The following TEKTIP1 variants were observed in gnomAD, a reference collection of about 807,000 sequenced individuals.
The protein encoded by TEKTIP1 is tektin bundle interacting protein 1.
the TEKTIP1 span, chr19:3,539,378 G>A: frequency 1.5e-5 from 10 of 656,552 alleles, no homozygotes; most frequent in African/African-American, 1.5e-4. Context: ...TTCCTAAAAG[G>A]CTCATGTGTG....
chr19:3,543,844 G>T, the TEKTIP1 span: 5 of 1,537,940 alleles, frequency 3.3e-6, no homozygotes. Context: ...AACAGGAACC[G>T]GTACGGGGTG....
the TEKTIP1 span, chr19:3,539,258 C>G: frequency 1.9e-6 from 3 of 1,544,506 alleles, no homozygotes; most frequent in Non-Finnish European, 2.6e-6. Context: ...CACCGCTGTA[C>G]AGGTGAGCCC....
At chr19:3,542,450 C>G in the TEKTIP1 span, 42 of 985,220 alleles carry the variant, frequency 4.3e-5, no homozygotes, top group Non-Finnish European at 4.9e-5. Context: ...AGAGCAAGGT[C>G]AAAGCATAAA....
At chr19:3,543,680 G>C in the TEKTIP1 span, 6 of 1,532,290 alleles carry the variant, frequency 3.9e-6, no homozygotes, top group African/African-American at 1.4e-5. Context: ...CAAGGAATAC[G>C]GTGAGGCTAG....
At chr19:3,542,893 CT>C in the TEKTIP1 span, 1 of 1,410,788 alleles carries the variant, frequency 7.1e-7, no homozygotes. Flanking sequence ...ACTTGTGGGT[CT>C]TGGAGGCTGG....
At chr19:3,541,251 G>A in the TEKTIP1 span, among the ~76,000 whole-genome samples, 1 of 151,492 alleles carries the variant, frequency 6.6e-6, no homozygotes, top group African/African-American at 2.4e-5. Context: ...TAGGAGGATC[G>A]CTTGAGCCTA....
chr19:3,542,926 G>A, the TEKTIP1 span: 8 of 1,456,928 alleles, frequency 5.5e-6, no homozygotes, highest in South Asian at 1.1e-5. Flanking sequence ...AGGAATCCAG[G>A]AGTAGCCAGG....
At chr19:3,543,976 G>A in the TEKTIP1 span, 812 of 1,548,738 alleles carry the variant, frequency 5.2e-4, 1 homozygote, top group Non-Finnish European at 6.6e-4. Context: ...ACCTGCCAGC[G>A]GTCCCCGCCT....
At chr19:3,539,449 A>G in the TEKTIP1 span, 4 of 579,800 alleles carry the variant, frequency 6.9e-6, no homozygotes, top group South Asian at 8.4e-5. Context: ...TGTGGGGGCT[A>G]CAGACCTGGA....
At chr19:3,541,622 A>C in the TEKTIP1 span, 1 of 984,850 alleles carries the variant, frequency 1.0e-6, no homozygotes, top group Non-Finnish European at 1.2e-6. Context: ...CACCCAGTGC[A>C]AGACCCTATT....
At chr19:3,542,311 G>C in the TEKTIP1 span, 1 of 985,404 alleles carries the variant, frequency 1.0e-6, no homozygotes, top group Non-Finnish European at 1.2e-6. Flanking sequence ...GATTTAAGCA[G>C]AGTTCCTGCC....
the TEKTIP1 span, chr19:3,542,911 A>G: frequency 7.0e-7 from 1 of 1,433,528 alleles, no homozygotes; most frequent in Non-Finnish European, 9.4e-7. Context: ...CTGGACAAGG[A>G]CTGTAGGAAT....
At chr19:3,540,316 G>A in the TEKTIP1 span, among the ~76,000 whole-genome samples, 1 of 150,944 alleles carries the variant, frequency 6.6e-6, no homozygotes, top group Non-Finnish European at 1.5e-5. Context: ...GGAACGCAAT[G>A]GTGCAATCTT....
the TEKTIP1 span, chr19:3,542,157 A>C: frequency 3.0e-6 from 3 of 985,282 alleles, no homozygotes; most frequent in Non-Finnish European, 3.6e-6. Context: ...TGTGTCTTGC[A>C]ATTCATTTCA....
chr19:3,543,035 AG>A, the TEKTIP1 span: 1 of 1,605,584 alleles, frequency 6.2e-7, no homozygotes. Flanking sequence ...GTGTGGGGAG[AG>A]GGGGAGTCAG....
the TEKTIP1 span, chr19:3,543,394 G>C: frequency 1.9e-5 from 29 of 1,548,740 alleles, no homozygotes; most frequent in Non-Finnish European, 2.5e-5. Context: ...ACCTGCCACG[G>C]GCCCCGGCCA....
the TEKTIP1 span, chr19:3,543,677 T>C: frequency 7.8e-6 from 12 of 1,536,066 alleles, no homozygotes; most frequent in South Asian, 9.8e-5. Context: ...GGGCAAGGAA[T>C]ACGGTGAGGC....
chr19:3,543,574 G>T, the TEKTIP1 span: 2 of 1,541,652 alleles, frequency 1.3e-6, no homozygotes. Flanking sequence ...AGCACCTGCG[G>T]GAGACCGCCT....
chr19:3,542,120 T>G, the TEKTIP1 span: 3 of 985,402 alleles, frequency 3.0e-6, no homozygotes, highest in Non-Finnish European at 3.6e-6. Flanking sequence ...AATTTTGTGC[T>G]GTTTTAATTG....
Sources: gnomAD v4.1 joint callset for allele counts (sites outside exome capture counted in the v4.1 genomes callset) on GRCh38, gnomAD v4.1.1 for gene constraint, MANE v1.5 for transcripts, NCBI Gene and HGNC (gene_info 2026-07-23, HGNC 2026-07-21) for gene names.